Variants in MED13 observed in about 807,000 individuals in gnomAD.
MED13 encodes the protein mediator of RNA polymerase II transcription subunit 13.
A neutral mutation model predicts 225.2 loss-of-function variants in MED13; 23 were observed. That is an observed-to-expected ratio of 0.10 (90% CI 0.07 to 0.14). The LOEUF is 0.14. MED13 is among the 10% of genes least tolerant of loss of function. The pLI is 1.00. For synonymous variants in MED13, 942 were observed against 889.2 expected (o/e 1.06, Z -1.06); for missense variants, 2,197 against 2,594.5 (o/e 0.85, Z 3.33).
In MED13 at chr17:62,010,813, G is replaced by C; in HGVS notation, c.1704C>G (p.Pro568=). ...QHFYQMPTPD[P]LVPSKPMEDR... ...CTTCCATTGGTTTAGAAGGAACCAA[G>C]GGATCTGGTGTTGGCATTTGATAAA... The change falls in exon 9 of 30, where the codon CCC becomes CCG. Residue 568 remains proline, a synonymous_variant. Transcript: ENST00000397786. The C allele has an allele frequency of 6.2e-7, 1 of 1,614,210 alleles. No homozygotes were observed. Among genetic ancestry groups the C allele is most frequent in the Non-Finnish European group, 8.5e-7 (1 of 1,180,044 alleles).
chr17:62,003,709 ACT>A (rs1308339308), intron 9 of MED13: 3 of 151,914 alleles, frequency 2.0e-5, no homozygotes, highest in East Asian at 1.9e-4. Context: ...TAAAATTAAA[ACT>A]CTTTTATTCA....
At chr17:62,049,654 G>A (rs955324981) in intron 3 of MED13, among the ~76,000 whole-genome samples, 1 of 152,192 alleles carries the variant, frequency 6.6e-6, no homozygotes, top group Non-Finnish European at 1.5e-5. Flanking sequence ...TGTGAAGGCT[G>A]GGCGCCGTGG....
intron 3 of MED13, among the ~76,000 whole-genome samples, chr17:62,040,331 T>C (rs1008716012): frequency 1.3e-5 from 2 of 152,168 alleles, no homozygotes; most frequent in African/African-American, 4.8e-5. Context: ...GAGCTCACAC[T>C]ACAATATCTA....
intron 10 of MED13, among the ~76,000 whole-genome samples, chr17:61,993,927 G>A (rs992621864): frequency 4.3e-5 from 6 of 140,376 alleles, no homozygotes; most frequent in Admixed American, 6.9e-5. Flanking sequence ...GCGAAACTCC[G>A]TCTCAAAACA....
chr17:62,036,902 A>G (rs900438812), intron 3 of MED13: 3 of 152,152 alleles, frequency 2.0e-5, no homozygotes, highest in African/African-American at 7.2e-5. Flanking sequence ...TCCTTGTTCT[A>G]CTCTTTCCCC....
At chr17:61,994,156 A>C (rs111877005) in intron 10 of MED13, among the ~76,000 whole-genome samples, 3 of 151,936 alleles carry the variant, frequency 2.0e-5, no homozygotes, top group African/African-American at 7.2e-5. Flanking sequence ...CCGCCATCGC[A>C]CCCAGCTAAT....
intron 17 of MED13, among the ~76,000 whole-genome samples, chr17:61,972,491 G>A (rs2080118535): frequency 6.6e-6 from 1 of 151,926 alleles, no homozygotes; most frequent in South Asian, 2.1e-4. Context: ...TTGAGGGAAA[G>A]CCCCCTATGT....
chr17:61,951,857 A>C (rs942535330), intron 27 of MED13, among the ~76,000 whole-genome samples: 33 of 152,288 alleles, frequency 2.2e-4, no homozygotes, highest in African/African-American at 7.7e-4. Context: ...TAAATTTTAT[A>C]CCTATGCATA....
At chr17:62,059,386 A>G (rs1291672622) in intron 2 of MED13, among the ~76,000 whole-genome samples, 2 of 152,308 alleles carry the variant, frequency 1.3e-5, no homozygotes, top group Admixed American at 1.3e-4. Flanking sequence ...CTACCAAGAA[A>G]AACAAGGGCA....
At position 62,021,501 on chromosome 17, in the gene MED13, G is replaced by A. The variant is rs564433094; in HGVS notation, c.1283+8040C>T. On this transcript the variant is annotated intron_variant, in intron 8 of 29. Coordinates refer to ENST00000397786, the MANE Select transcript of MED13 (RefSeq NM_005121.3). ...TTCCCAGTAGGGGCGGCCGGGCAGA[G>A]GCGCCCCTCACCTCCCGGACGGGGC... Among the ~76,000 whole-genome samples the A allele has an allele frequency of 2.0e-5, 3 of 152,072 alleles. No homozygotes were observed. In the South Asian group the frequency reaches 6.2e-4, roughly 32 times the overall value.
intron 19 of MED13, 98 bp downstream of exon 19, chr17:61,966,364 T>C: frequency 1.1e-6 from 1 of 924,002 alleles, no homozygotes; most frequent in Non-Finnish European, 1.6e-6. Flanking sequence ...TAAATGAGGA[T>C]GGCTGTGTTC....
intron 3 of MED13, among the ~76,000 whole-genome samples, chr17:62,044,979 T>C (rs1357045341): frequency 2.0e-5 from 3 of 152,110 alleles, no homozygotes; most frequent in Non-Finnish European, 2.9e-5. Flanking sequence ...CCTTTTAAAA[T>C]TGGAATTAAA....
At chr17:61,977,491 G>A (rs1205763825) in intron 16 of MED13, among the ~76,000 whole-genome samples, 1 of 152,014 alleles carries the variant, frequency 6.6e-6, no homozygotes, top group Non-Finnish European at 1.5e-5. Flanking sequence ...TCTCTCTGTC[G>A]CCCAGGCTGG....
At position 61,991,847 on chromosome 17, in the gene MED13, T is replaced by C. The variant is rs145772028; in HGVS notation, c.2263+693A>G. On this transcript the variant is annotated intron_variant, in intron 11 of 29. Transcript: ENST00000397786. The stretch of plus-strand genomic sequence containing the variant: ...TTTTAGTAGGGATGGTGTTTCACCA[T>C]GTTGGACAGGCTGGTCTTGAACTCC... Among the ~76,000 whole-genome samples, 563 of 152,190 alleles carry C rather than the reference T, an allele frequency of 3.7e-3. 2 individuals carry two copies. The highest frequency in any genetic ancestry group is 0.012 in the African/African-American group (511 of 41,518).
intron 18 of MED13, among the ~76,000 whole-genome samples, chr17:61,967,679 T>A (rs2080070915): frequency 6.6e-6 from 1 of 152,202 alleles, no homozygotes; most frequent in Non-Finnish European, 1.5e-5. Context: ...AGGCCTAGTG[T>A]CACTACCTGA....
chr17:62,041,071 G>C (rs1483846072), intron 3 of MED13, among the ~76,000 whole-genome samples: 2 of 152,166 alleles, frequency 1.3e-5, no homozygotes, highest in Non-Finnish European at 2.9e-5. Flanking sequence ...CTTGATGAGA[G>C]ATATGCAGAC....
At chr17:61,989,761 A>G (rs531188239) in intron 11 of MED13, among the ~76,000 whole-genome samples, 1 of 152,366 alleles carries the variant, frequency 6.6e-6, no homozygotes, top group Non-Finnish European at 1.5e-5. Flanking sequence ...ATGGGCCATG[A>G]CACTTGGCCT....
At chr17:61,994,705 T>C (rs1019705325) in intron 10 of MED13, among the ~76,000 whole-genome samples, 2 of 152,194 alleles carry the variant, frequency 1.3e-5, no homozygotes, top group African/African-American at 2.4e-5. Context: ...TTCAAAAAAA[T>C]ACATTTTTCT....
At position 61,944,212 on chromosome 17, in the gene MED13, T is replaced by G. The variant is rs1367958354; in HGVS notation, c.*2256A>C. 6.6e-6 allele frequency: 1 copy of G among 152,642 alleles called. No individual in the cohort carries two copies. Among genetic ancestry groups the G allele is most frequent in the Non-Finnish European group, 1.5e-5 (1 of 68,020 alleles). The allele number at this position is 152,642 out of a possible 1,614,324, so 9.5% of individuals were successfully genotyped here. On this transcript the variant is annotated 3_prime_UTR_variant, in exon 30 of 30. Transcript: ENST00000397786. Reference sequence around the variant, plus strand: ...TAAATAACCTGTCAGGGAATAATTTTAAATCTACTTTCAAATTGAGGTGTG... The same window carrying G: ...TAAATAACCTGTCAGGGAATAATTTGAAATCTACTTTCAAATTGAGGTGTG...
Sources: allele counts gnomAD v4.1 joint callset (sites outside exome capture counted in the v4.1 genomes callset), GRCh38; gene constraint gnomAD v4.1.1; transcripts MANE v1.5; gene names NCBI Gene and HGNC (gene_info 2026-07-23, HGNC 2026-07-21).